Variants in MAGI2 observed in about 807,000 individuals in gnomAD.
The protein encoded by MAGI2 is membrane-associated guanylate kinase, WW and PDZ domain-containing protein 2.
In MAGI2, 35 loss-of-function variants were observed where a neutral mutation model predicts 133.3. The observed-to-expected ratio is 0.26, with a 90% CI of 0.20 to 0.35. The LOEUF (loss-of-function observed/expected upper bound fraction) is 0.35, where lower values mean the gene tolerates loss of function less well. Among genes scored for constraint, MAGI2 ranks in the 10% least tolerant of loss-of-function variants. The pLI, the probability that MAGI2 is intolerant of heterozygous loss-of-function variation, is 1.00. For missense variants in MAGI2, 1,636 were observed against 1,863.4 expected, an observed-to-expected ratio of 0.88 and a Z score of 2.25; for synonymous variants, 729 against 710.6, an observed-to-expected ratio of 1.03 and a Z score of -0.41.
chr7:78,765,462 C>T, intron 2 of MAGI2, among the ~76,000 whole-genome samples: 1 of 149,614 alleles, frequency 6.7e-6, no homozygotes, highest in East Asian at 2.0e-4. Flanking sequence ...AATTCTGCTG[C>T]CTCAGCCTCC....
At chr7:78,207,541 G>A (rs1787224431) in intron 10 of MAGI2, among the ~76,000 whole-genome samples, 1 of 152,174 alleles carries the variant, frequency 6.6e-6, no homozygotes. Flanking sequence ...AGAGTCATGA[G>A]CTAATTTCCA....
intron 1 of MAGI2, among the ~76,000 whole-genome samples, chr7:79,388,913 C>G (rs1368261307): frequency 6.7e-6 from 1 of 149,350 alleles, no homozygotes; most frequent in Non-Finnish European, 1.5e-5. Context: ...AAGAGAATCA[C>G]AGCAATGGTA....
chr7:79,070,786 C>T (rs1814887122), intron 1 of MAGI2, among the ~76,000 whole-genome samples: 1 of 152,034 alleles, frequency 6.6e-6, no homozygotes, highest in Non-Finnish European at 1.5e-5. Context: ...CCACCGCGCC[C>T]AGCCCATCAG....
intron 1 of MAGI2, among the ~76,000 whole-genome samples, chr7:79,241,519 G>A (rs1406129035): frequency 6.6e-6 from 1 of 151,928 alleles, no homozygotes; most frequent in African/African-American, 2.4e-5. Context: ...CCTTATTCTG[G>A]GGACAGGCCA....
intron 1 of MAGI2, among the ~76,000 whole-genome samples, chr7:79,080,349 A>T (rs1815931219): frequency 6.6e-6 from 1 of 152,136 alleles, no homozygotes. Context: ...TGTGTTTTTG[A>T]ATAAGGGTCA....
intron 2 of MAGI2, among the ~76,000 whole-genome samples, chr7:78,838,148 T>C (rs1791817891): frequency 6.6e-6 from 1 of 152,144 alleles, no homozygotes; most frequent in Non-Finnish European, 1.5e-5. Context: ...TTCCAAATAA[T>C]GGTCTATGCT....
intron 6 of MAGI2, among the ~76,000 whole-genome samples, chr7:78,388,540 G>T (rs1240645403): frequency 6.6e-6 from 1 of 152,138 alleles, no homozygotes; most frequent in Non-Finnish European, 1.5e-5. Context: ...AGTAGGAGGA[G>T]ACTTTATTCT....
chr7:79,124,491 C>T (rs1241815390), intron 1 of MAGI2, among the ~76,000 whole-genome samples: 1 of 152,174 alleles, frequency 6.6e-6, no homozygotes, highest in African/African-American at 2.4e-5. Flanking sequence ...CTTAGGTCTA[C>T]TGACTCCCAA....
At chr7:78,676,015 T>A (rs1487845825) in intron 2 of MAGI2, among the ~76,000 whole-genome samples, 4 of 152,146 alleles carry the variant, frequency 2.6e-5, no homozygotes, top group Admixed American at 1.3e-4. Flanking sequence ...GGATATTGTT[T>A]TCACTGATTC....
chr7:78,945,283 A>G (rs893482387), intron 2 of MAGI2, among the ~76,000 whole-genome samples: 13 of 151,484 alleles, frequency 8.6e-5, no homozygotes, highest in Non-Finnish European at 1.6e-4. Context: ...GCTGGTCTCA[A>G]ACTCCTGGGC....
intron 3 of MAGI2, among the ~76,000 whole-genome samples, chr7:78,524,655 TA>T (rs1376130288): frequency 3.3e-5 from 5 of 152,316 alleles, no homozygotes; most frequent in Non-Finnish European, 7.4e-5. Flanking sequence ...GCATTTAAAA[TA>T]AATCAGACCT....
chr7:78,343,353 G>T (rs191549588), intron 9 of MAGI2, among the ~76,000 whole-genome samples: 1 of 151,866 alleles, frequency 6.6e-6, no homozygotes, highest in Non-Finnish European at 1.5e-5. Flanking sequence ...AAAGTTTTCC[G>T]TATGAGATGG....
At chr7:79,022,808 A>C (rs1484476871) in intron 1 of MAGI2, among the ~76,000 whole-genome samples, 1 of 152,166 alleles carries the variant, frequency 6.6e-6, no homozygotes. Context: ...CCAGGAAGAG[A>C]CTGAATACCT....
intron 2 of MAGI2, among the ~76,000 whole-genome samples, chr7:78,709,843 T>C (rs778580755): frequency 7.2e-5 from 11 of 152,162 alleles, no homozygotes; most frequent in Non-Finnish European, 1.6e-4. Flanking sequence ...TCTATGTTTG[T>C]AGGATCACAG....
intron 20 of MAGI2, among the ~76,000 whole-genome samples, chr7:78,099,841 T>C (rs940550956): frequency 3.3e-4 from 50 of 152,334 alleles, no homozygotes; most frequent in Non-Finnish European, 3.5e-4. Flanking sequence ...AATTTACATG[T>C]ATTCATTTCA....
chr7:78,322,905 T>A (rs1788158941), intron 9 of MAGI2, among the ~76,000 whole-genome samples: 1 of 152,110 alleles, frequency 6.6e-6, no homozygotes, highest in Admixed American at 6.5e-5. Flanking sequence ...ATGTTTCAGT[T>A]TTCTGGTATG....
intron 2 of MAGI2, among the ~76,000 whole-genome samples, chr7:78,964,510 A>C (rs969595205): frequency 3.3e-5 from 5 of 152,036 alleles, no homozygotes; most frequent in Non-Finnish European, 1.5e-5. Context: ...ATTTATGTGA[A>C]TAGCCTTTTT....
At chr7:79,147,727 G>C (rs1480411382) in intron 1 of MAGI2, among the ~76,000 whole-genome samples, 1 of 152,176 alleles carries the variant, frequency 6.6e-6, no homozygotes, top group African/African-American at 2.4e-5. Context: ...CTGTGGAGGT[G>C]CATGTTCTCT....
At chr7:78,913,648 T>G (rs1431462252) in intron 2 of MAGI2, among the ~76,000 whole-genome samples, 1 of 152,208 alleles carries the variant, frequency 6.6e-6, no homozygotes, top group African/African-American at 2.4e-5. Context: ...CTCTGTTTAT[T>G]CTTTCCATGT....
Sources: gnomAD v4.1 joint callset for allele counts (sites outside exome capture counted in the v4.1 genomes callset) on GRCh38, gnomAD v4.1.1 for gene constraint, MANE v1.5 for transcripts, NCBI Gene and HGNC (gene_info 2026-07-23, HGNC 2026-07-21) for gene names.